Variants in HEMK2 observed in about 807,000 individuals in gnomAD.
HEMK2 encodes HemK methyltransferase 2, ETF1 glutamine and histone H4 lysine.
At chr21:28,704,577 A>C in the HEMK2 span, among the ~76,000 whole-genome samples, 1 of 149,550 alleles carries the variant, frequency 6.7e-6, no homozygotes, top group South Asian at 2.1e-4. Context: ...AAAAAAAAAA[A>C]ACTTATTCCC....
At chr21:28,846,703 C>T in the HEMK2 span, among the ~76,000 whole-genome samples, 1 of 151,868 alleles carries the variant, frequency 6.6e-6, no homozygotes, top group Admixed American at 6.6e-5. Flanking sequence ...TTGTGTGTTG[C>T]AGGAGTTTGG....
the HEMK2 span, among the ~76,000 whole-genome samples, chr21:28,802,265 A>C: frequency 6.6e-6 from 1 of 152,238 alleles, no homozygotes; most frequent in African/African-American, 2.4e-5. Context: ...TGAAAAAATT[A>C]AATACAGAAC....
chr21:28,718,439 A>C, the HEMK2 span, among the ~76,000 whole-genome samples: 3 of 152,214 alleles, frequency 2.0e-5, no homozygotes, highest in Non-Finnish European at 2.9e-5. Flanking sequence ...ATTAGGTCTA[A>C]TTGGTCAAGT....
the HEMK2 span, among the ~76,000 whole-genome samples, chr21:28,684,633 T>C: frequency 6.6e-6 from 1 of 152,232 alleles, no homozygotes; most frequent in South Asian, 2.1e-4. Context: ...TTTCATCATT[T>C]GAGATTACGG....
chr21:28,674,075 C>T, the HEMK2 span, among the ~76,000 whole-genome samples: 3 of 152,222 alleles, frequency 2.0e-5, no homozygotes, highest in Admixed American at 6.5e-5. Context: ...TGATAAAACA[C>T]GCTGCAGTAA....
chr21:28,883,091 A>T, the HEMK2 span: 1 of 1,532,030 alleles, frequency 6.5e-7, no homozygotes, highest in East Asian at 2.4e-5. Flanking sequence ...AAATAAATAA[A>T]TATTAGTATA....
chr21:28,705,035 C>T, the HEMK2 span, among the ~76,000 whole-genome samples: 2 of 152,166 alleles, frequency 1.3e-5, no homozygotes, highest in Admixed American at 1.3e-4. Flanking sequence ...TCCCTCTAGG[C>T]ATCTTTGGCT....
chr21:28,771,522 C>CCCG, the HEMK2 span, among the ~76,000 whole-genome samples: 4 of 119,162 alleles, frequency 3.4e-5, 1 homozygote, highest in East Asian at 8.6e-4. Context: ...TGCACCACCC[C>CCCG]CCCCCGCCAA....
the HEMK2 span, among the ~76,000 whole-genome samples, chr21:28,651,731 C>G: frequency 6.6e-6 from 1 of 152,282 alleles, no homozygotes; most frequent in Non-Finnish European, 1.5e-5. Context: ...CTCAGAGAAT[C>G]TCTGGTAATG....
At chr21:28,717,503 G>C in the HEMK2 span, among the ~76,000 whole-genome samples, 1 of 99,182 alleles carries the variant, frequency 1.0e-5, no homozygotes, top group African/African-American at 5.4e-5. Context: ...TTTTTGAGAC[G>C]GAGTCTCACT....
At chr21:28,783,714 G>A in the HEMK2 span, among the ~76,000 whole-genome samples, 12 of 152,300 alleles carry the variant, frequency 7.9e-5, no homozygotes, top group Admixed American at 5.9e-4. Context: ...TGGGCTAGCC[G>A]AGGCTGGAGC....
At chr21:28,880,072 C>T in the HEMK2 span, 3 of 555,654 alleles carry the variant, frequency 5.4e-6, no homozygotes, top group East Asian at 6.2e-5. Flanking sequence ...ACGGGCTACG[C>T]TTGTAGACAG....
chr21:28,796,352 C>G, the HEMK2 span, among the ~76,000 whole-genome samples: 3 of 152,126 alleles, frequency 2.0e-5, no homozygotes, highest in African/African-American at 7.2e-5. Flanking sequence ...GTTGGCCAGG[C>G]TGGTCTAGAA....
At chr21:28,857,370 C>T in the HEMK2 span, among the ~76,000 whole-genome samples, 1 of 152,022 alleles carries the variant, frequency 6.6e-6, no homozygotes, top group East Asian at 1.9e-4. Context: ...TGAACATATA[C>T]AAGAAAGATT....
the HEMK2 span, among the ~76,000 whole-genome samples, chr21:28,849,252 C>T: frequency 1.3e-4 from 20 of 152,086 alleles, no homozygotes; most frequent in Non-Finnish European, 2.6e-4. Flanking sequence ...GGTTTGGCTC[C>T]CTGGTATCTT....
At chr21:28,586,947 G>T in the HEMK2 span, among the ~76,000 whole-genome samples, 2 of 152,132 alleles carry the variant, frequency 1.3e-5, no homozygotes, top group Non-Finnish European at 2.9e-5. Flanking sequence ...TTGGGATTAG[G>T]ATTTCAACGT....
chr21:28,701,079 C>T, the HEMK2 span, among the ~76,000 whole-genome samples: 1 of 152,084 alleles, frequency 6.6e-6, no homozygotes, highest in Non-Finnish European at 1.5e-5. Context: ...GCAGAAAAAG[C>T]TTTTGATAAA....
At chr21:28,678,560 C>A in the HEMK2 span, among the ~76,000 whole-genome samples, 1 of 152,120 alleles carries the variant, frequency 6.6e-6, no homozygotes, top group Non-Finnish European at 1.5e-5. Flanking sequence ...AAAGATACTC[C>A]TCAAGAAGAG....
At chr21:28,627,512 T>G in the HEMK2 span, among the ~76,000 whole-genome samples, 1 of 152,162 alleles carries the variant, frequency 6.6e-6, no homozygotes, top group Non-Finnish European at 1.5e-5. Flanking sequence ...ATGAAGTAGT[T>G]GAAATGAATT....
Sources: allele counts gnomAD v4.1 joint callset (sites outside exome capture counted in the v4.1 genomes callset), GRCh38; gene constraint gnomAD v4.1.1; transcripts MANE v1.5; gene names NCBI Gene and HGNC (gene_info 2026-07-23, HGNC 2026-07-21).